STK3: variants seen among roughly 807,000 people sequenced by gnomAD.
STK3 encodes the protein serine/threonine-protein kinase 3.
In STK3, 41 loss-of-function variants were observed where a neutral mutation model predicts 58.0. The observed-to-expected ratio is 0.71, with a 90% CI of 0.55 to 0.92. The LOEUF (loss-of-function observed/expected upper bound fraction) is 0.92, where lower values mean the gene tolerates loss of function less well. STK3 is among the 40% of genes least tolerant of loss of function. The pLI, the probability that STK3 is intolerant of heterozygous loss-of-function variation, is 0.00. For synonymous variants in STK3, 170 were observed against 191.0 expected, an observed-to-expected ratio of 0.89 and a Z score of 0.91; for missense variants, 479 against 602.7, an observed-to-expected ratio of 0.79 and a Z score of 2.15.
At chr8:98,358,191 A>C in the STK3 span, among the ~76,000 whole-genome samples, 1 of 152,198 alleles carries the variant, frequency 6.6e-6, no homozygotes, top group Non-Finnish European at 1.5e-5. Flanking sequence ...ATTCAGCTTA[A>C]TGTGCAAATC....
intron 3 of STK3, among the ~76,000 whole-genome samples, chr8:98,868,063 A>T (rs1306108908): frequency 6.6e-6 from 1 of 152,160 alleles, no homozygotes; most frequent in Non-Finnish European, 1.5e-5. Context: ...GAATAATTTT[A>T]AAAACCCAGC....
chr8:98,608,338 A>T (rs573380193), intron 6 of STK3, among the ~76,000 whole-genome samples: 1 of 152,244 alleles, frequency 6.6e-6, no homozygotes, highest in Admixed American at 6.5e-5. Context: ...TGGGTCCTCA[A>T]TTCTTTAAAG....
intron 7 of STK3, among the ~76,000 whole-genome samples, chr8:98,585,714 C>T (rs1359632771): frequency 6.6e-6 from 1 of 152,004 alleles, no homozygotes; most frequent in Non-Finnish European, 1.5e-5. Context: ...GATATTGATT[C>T]TTCCTACCCA....
intron 10 of STK3, among the ~76,000 whole-genome samples, chr8:98,487,739 C>T (rs1438327457): frequency 6.6e-6 from 1 of 152,156 alleles, no homozygotes; most frequent in Non-Finnish European, 1.5e-5. Flanking sequence ...TGTGATCATC[C>T]TTCACATATA....
rs868586593 is a variant in STK3, at chr8:98,428,669, G to A, written n.483+5458C>T. ...GCGAGGACCCTAGGTTCGAAATCGT[G>A]GAGCACTTTGGCATTGCCTGGTTCA... is the stretch of plus-strand genomic sequence containing the variant. On this transcript the variant is annotated intron_variant and non_coding_transcript_variant, in intron 3 of 3. Transcript: ENST00000517832. The surrounding 1 kb of genome is among the most constrained non-coding windows in gnomAD (Gnocchi z 6.7). 2 of 1,614,114 alleles carry A rather than the reference G, an allele frequency of 1.2e-6. No individual in the cohort carries two copies. The highest frequency in any genetic ancestry group is 1.7e-6 in the Non-Finnish European group (2 of 1,180,054).
intron 8 of STK3, among the ~76,000 whole-genome samples, chr8:98,560,698 A>G (rs1449434827): frequency 6.6e-6 from 1 of 152,130 alleles, no homozygotes; most frequent in African/African-American, 2.4e-5. Context: ...TTCTATGGAA[A>G]TGCAAAAGGC....
At chr8:98,840,150 C>A (rs951114891) in intron 3 of STK3, among the ~76,000 whole-genome samples, 1 of 151,914 alleles carries the variant, frequency 6.6e-6, no homozygotes, top group African/African-American at 2.4e-5. Context: ...AGTTCAAGAC[C>A]AGCCTGGCCA....
chr8:98,716,406 C>G (rs1827018367), intron 4 of STK3, among the ~76,000 whole-genome samples: 1 of 151,688 alleles, frequency 6.6e-6, no homozygotes, highest in Admixed American at 6.6e-5. Flanking sequence ...AAAAAAAATT[C>G]TATTTACAAT....
At chr8:98,632,385 A>G (rs1819325613) in intron 6 of STK3, among the ~76,000 whole-genome samples, 2 of 152,242 alleles carry the variant, frequency 1.3e-5, no homozygotes, top group Non-Finnish European at 2.9e-5. Context: ...AAGCACAGAG[A>G]ATAAGACTAT....
At chr8:98,911,383 TG>T (rs10715541) in intron 1 of STK3, among the ~76,000 whole-genome samples, 24,650 of 149,218 alleles carry the variant, frequency 0.17, 2,366 homozygotes, top group African/African-American at 0.28. Flanking sequence ...AATATTGTAT[TG>T]TATTTATTTA....
intron 3 of STK3, among the ~76,000 whole-genome samples, chr8:98,849,165 G>T (rs892779235): frequency 6.7e-6 from 1 of 150,214 alleles, no homozygotes; most frequent in East Asian, 2.0e-4. Flanking sequence ...GGCGGAGCTT[G>T]CAGTGAGCCG....
chr8:98,474,342 G>A (rs1208284859), intron 10 of STK3, among the ~76,000 whole-genome samples: 2 of 152,122 alleles, frequency 1.3e-5, no homozygotes, highest in East Asian at 1.9e-4. Context: ...CCTAAGATAC[G>A]GAAATGGCTC....
chr8:98,777,606 CG>C (rs1027419306), intron 1 of STK3, among the ~76,000 whole-genome samples: 22 of 152,102 alleles, frequency 1.4e-4, no homozygotes, highest in African/African-American at 4.6e-4. Flanking sequence ...GAAAAAGTGC[CG>C]GAAGACAACA....
chr8:98,708,419 C>A (rs911783620), intron 4 of STK3, among the ~76,000 whole-genome samples: 1 of 152,108 alleles, frequency 6.6e-6, no homozygotes, highest in African/African-American at 2.4e-5. Flanking sequence ...ACCAATGCCA[C>A]TCCTAACCCT....
At chr8:98,409,921 A>G in intron 3 of STK3, among the ~76,000 whole-genome samples, 1 of 152,200 alleles carries the variant, frequency 6.6e-6, no homozygotes. Context: ...ATGTGCCCAG[A>G]AGGAAAAAGT....
chr8:98,756,809 G>C (rs532238152), intron 3 of STK3, among the ~76,000 whole-genome samples: 1 of 152,200 alleles, frequency 6.6e-6, no homozygotes, highest in Non-Finnish European at 1.5e-5. Context: ...CCTATCTAAA[G>C]CCCAAACCTC....
chr8:98,621,629 A>C (rs897532206), intron 6 of STK3, among the ~76,000 whole-genome samples: 1 of 151,300 alleles, frequency 6.6e-6, no homozygotes, highest in South Asian at 2.1e-4. Flanking sequence ...AATTGCATCA[A>C]ATTTTTTTTT....
At chr8:98,382,580 C>CTTT (rs112919209) in intron 1 of STK3, among the ~76,000 whole-genome samples, 1 of 151,800 alleles carries the variant, frequency 6.6e-6, no homozygotes, top group African/African-American at 2.4e-5. Context: ...GGGGAGCCTG[C>CTTT]TTTTTTAGCT....
intron 6 of STK3, among the ~76,000 whole-genome samples, chr8:98,641,495 A>C (rs541404754): frequency 2.0e-5 from 3 of 152,212 alleles, no homozygotes; most frequent in Non-Finnish European, 1.5e-5. Context: ...CATACTGAGT[A>C]ACTACTATGG....
Sources: gnomAD v4.1 joint callset for allele counts (sites outside exome capture counted in the v4.1 genomes callset) on GRCh38, gnomAD v4.1.1 for gene constraint, Gnocchi (gnomAD v3.1) non-coding constraint, MANE v1.5 for transcripts, NCBI Gene and HGNC (gene_info 2026-07-23, HGNC 2026-07-21) for gene names.